ARHGAP10: variants seen among roughly 807,000 people sequenced by gnomAD.
The protein encoded by ARHGAP10 is Rho GTPase activating protein 10, also known as rho GTPase-activating protein 10.
ARHGAP10 carries 87 observed loss-of-function variants against 108.6 expected under a neutral mutation model. The ratio of observed to expected loss-of-function variants is 0.80; its 90% CI spans 0.67 to 0.96. ARHGAP10 has a LOEUF of 0.96. ARHGAP10 is among the 40% of genes least tolerant of loss of function. The pLI, the probability that ARHGAP10 is intolerant of heterozygous loss-of-function variation, is 0.00. For synonymous variants in ARHGAP10, 347 were observed against 341.1 expected, an observed-to-expected ratio of 1.02 and a Z score of -0.19; for missense variants, 939 against 954.5, an observed-to-expected ratio of 0.98 and a Z score of 0.21.
intron 10 of ARHGAP10, among the ~76,000 whole-genome samples, chr4:147,890,553 G>A (rs1365599919): frequency 6.6e-6 from 1 of 152,242 alleles, no homozygotes. Context: ...TTGGCTGGGT[G>A]CAGTGGCCCA....
intron 1 of ARHGAP10, among the ~76,000 whole-genome samples, chr4:147,813,169 T>C (rs1013349042): frequency 1.3e-5 from 2 of 151,932 alleles, no homozygotes; most frequent in African/African-American, 4.8e-5. Context: ...AAGAATTGTA[T>C]GTGTTAATGT....
At chr4:147,948,775 T>C (rs918994942) in intron 15 of ARHGAP10, among the ~76,000 whole-genome samples, 1 of 150,716 alleles carries the variant, frequency 6.6e-6, no homozygotes, top group Non-Finnish European at 1.5e-5. Flanking sequence ...GCTAACACGG[T>C]GAAACCCCGT....
At chr4:147,839,665 T>C (rs1404214900) in intron 3 of ARHGAP10, among the ~76,000 whole-genome samples, 1 of 152,236 alleles carries the variant, frequency 6.6e-6, no homozygotes, top group Admixed American at 6.5e-5. Flanking sequence ...ACTTAGACTT[T>C]GATTTCCAGT....
chr4:148,040,508 T>C (rs1471074015), intron 19 of ARHGAP10, among the ~76,000 whole-genome samples: 2 of 151,970 alleles, frequency 1.3e-5, no homozygotes, highest in Admixed American at 1.3e-4. Flanking sequence ...CACCTGGCTA[T>C]TTTTTGTATT....
At chr4:147,877,561 T>G (rs1407309835) in intron 8 of ARHGAP10, among the ~76,000 whole-genome samples, 1 of 152,232 alleles carries the variant, frequency 6.6e-6, no homozygotes, top group Non-Finnish European at 1.5e-5. Flanking sequence ...TGTTAATTGC[T>G]TTTTTAAAAG....
chr4:147,857,539 T>C lies in ARHGAP10; in HGVS notation c.385-14T>C. On this transcript the variant is annotated splice_polypyrimidine_tract_variant and intron_variant, in intron 4 of 22. Transcript: ENST00000336498. ...TTTGTTTCTGTTTAATCATAGTTTTTTTTTTATTTGTAGGAAGAAAAAAAG... is the reference window on the plus strand; with the variant it reads ...TTTGTTTCTGTTTAATCATAGTTTTCTTTTTATTTGTAGGAAGAAAAAAAG... 2 of 1,471,882 alleles carry C rather than the reference T, an allele frequency of 1.4e-6. No individual in the cohort carries two copies. The highest frequency in any genetic ancestry group is 2.5e-5 in the East Asian group (1 of 39,576). 91.2% of individuals were successfully genotyped at this position (1,471,882 alleles called of 1,614,324 possible). A position where few individuals can be genotyped will look rare whatever the true frequency, so the allele number is the denominator to read the frequency against.
chr4:147,745,098 A>G (rs535021029), intron 1 of ARHGAP10, among the ~76,000 whole-genome samples: 1 of 152,020 alleles, frequency 6.6e-6, no homozygotes. Context: ...TTCAGAGAGC[A>G]GGAGGGAGTA....
At chr4:147,781,234 C>T (rs72955514) in intron 1 of ARHGAP10, among the ~76,000 whole-genome samples, 2,893 of 152,226 alleles carry the variant, frequency 0.019, 83 homozygotes, top group African/African-American at 0.065. Flanking sequence ...GTCCCAGCTA[C>T]TCAAGAGGCT....
chr4:147,870,031 T>C (rs1028367766), intron 7 of ARHGAP10, among the ~76,000 whole-genome samples: 8 of 151,696 alleles, frequency 5.3e-5, no homozygotes, highest in African/African-American at 1.9e-4. Context: ...TGTGTGTGTG[T>C]GTGTGTGTGT....
intron 5 of ARHGAP10, chr4:147,858,356 G>GT (rs968780782): frequency 2.0e-5 from 3 of 151,252 alleles, no homozygotes; most frequent in African/African-American, 4.9e-5. Flanking sequence ...TTTTTTTCTT[G>GT]TTTTTTTAAC....
chr4:147,919,412 C>T (rs896713377), intron 13 of ARHGAP10, among the ~76,000 whole-genome samples: 1 of 152,162 alleles, frequency 6.6e-6, no homozygotes, highest in African/African-American at 2.4e-5. Context: ...CACATCAACT[C>T]GTCTTTCATC....
rs756531997 is a variant in ARHGAP10, at chr4:147,913,029, A to G, written c.1163-45A>G. On this transcript the variant is annotated intron_variant, in intron 12 of 22. Coordinates refer to ENST00000336498, the MANE Select transcript of ARHGAP10 (RefSeq NM_024605.4). The stretch of plus-strand genomic sequence containing the variant: ...TATTTTTAAAAGGAAGAGAAATGTG[A>G]TAAATAATAATTGTACACTTAATGT... 4.7e-5 allele frequency: 71 copies of G among 1,519,242 alleles called. 1 individual carries two copies. In the South Asian group the frequency reaches 8.0e-4, roughly 17 times the overall value. The allele number at this position is 1,519,242 out of a possible 1,614,324, so 94.1% of individuals were successfully genotyped here. A position where few individuals can be genotyped will look rare whatever the true frequency, so the allele number is the denominator to read the frequency against.
intron 10 of ARHGAP10, among the ~76,000 whole-genome samples, chr4:147,888,978 T>C (rs1560810906): frequency 6.6e-6 from 1 of 152,230 alleles, no homozygotes; most frequent in Non-Finnish European, 1.5e-5. Context: ...TATTAGATTA[T>C]GAATTCCATG....
At chr4:148,006,908 A>G (rs558111507) in intron 18 of ARHGAP10, among the ~76,000 whole-genome samples, 266 of 152,292 alleles carry the variant, frequency 1.7e-3, no homozygotes, top group Non-Finnish European at 3.3e-3. Context: ...CCCAGCACAC[A>G]TGCTTTGCTT....
intron 1 of ARHGAP10, among the ~76,000 whole-genome samples, chr4:147,759,587 C>G (rs919362820): frequency 6.6e-6 from 1 of 151,642 alleles, no homozygotes; most frequent in Non-Finnish European, 1.5e-5. Context: ...ACCGCCCCCC[C>G]CCCCCTTTAA....
chr4:147,952,622 T>A (rs1738645563), intron 15 of ARHGAP10, among the ~76,000 whole-genome samples: 1 of 152,150 alleles, frequency 6.6e-6, no homozygotes, highest in South Asian at 2.1e-4. Flanking sequence ...CATATTATTA[T>A]GTTTTAAAAG....
chr4:147,792,445 C>G (rs893795681), intron 1 of ARHGAP10, among the ~76,000 whole-genome samples: 1 of 152,100 alleles, frequency 6.6e-6, no homozygotes, highest in Non-Finnish European at 1.5e-5. Flanking sequence ...GATTCACAAC[C>G]CATTATTATC....
intron 13 of ARHGAP10, among the ~76,000 whole-genome samples, chr4:147,933,664 A>G (rs1368848726): frequency 2.0e-5 from 3 of 150,246 alleles, no homozygotes; most frequent in Non-Finnish European, 4.4e-5. Context: ...CAAAAAAGAT[A>G]CTGGGACTGT....
intron 1 of ARHGAP10, among the ~76,000 whole-genome samples, chr4:147,762,048 C>T (rs996027812): frequency 6.6e-6 from 1 of 152,172 alleles, no homozygotes; most frequent in Non-Finnish European, 1.5e-5. Context: ...TGCTCTGTCA[C>T]CCAGGCTGGA....
Sources: allele counts gnomAD v4.1 joint callset (sites outside exome capture counted in the v4.1 genomes callset), GRCh38; gene constraint gnomAD v4.1.1; transcripts MANE v1.5; gene names NCBI Gene and HGNC (gene_info 2026-07-23, HGNC 2026-07-21).